Variants in CPNE4 observed in about 807,000 individuals in gnomAD.
CPNE4 encodes the protein copine 4.
A neutral mutation model predicts 67.9 loss-of-function variants in CPNE4; 25 were observed. That is an observed-to-expected ratio of 0.37 (90% confidence interval 0.27 to 0.51). The LOEUF (loss-of-function observed/expected upper bound fraction) is 0.51, where lower values mean the gene tolerates loss of function less well. Among genes scored for constraint, CPNE4 ranks in the 20% least tolerant of loss-of-function variants. The pLI, the probability that CPNE4 is intolerant of heterozygous loss-of-function variation, is 0.93. For missense variants in CPNE4, 464 were observed against 690.8 expected, an observed-to-expected ratio of 0.67 and a Z score of 3.68; for synonymous variants, 242 against 244.9, an observed-to-expected ratio of 0.99 and a Z score of 0.11.
At chr3:132,005,324 T>TAC (rs142595476) in intron 1 of CPNE4, among the ~76,000 whole-genome samples, 19,386 of 50,912 alleles carry the variant, frequency 0.38, 2,402 homozygotes, top group Non-Finnish European at 0.48. Context: ...CATATATATA[T>TAC]ATATATATAT....
At chr3:131,589,835 A>G (rs1403792755) in intron 7 of CPNE4, among the ~76,000 whole-genome samples, 2 of 152,234 alleles carry the variant, frequency 1.3e-5, no homozygotes, top group Non-Finnish European at 2.9e-5. Context: ...ATTAGAATAA[A>G]TAAGAATGGA....
intron 1 of CPNE4, among the ~76,000 whole-genome samples, chr3:131,980,043 A>G (rs555504977): frequency 1.2e-4 from 19 of 152,252 alleles, no homozygotes; most frequent in Middle Eastern, 6.8e-3. Flanking sequence ...TCTGGCTTGT[A>G]TGGTTTCTGC....
At chr3:132,038,044 T>G (rs1392870316), upstream of CPNE4, 2 of 155,270 alleles carry the variant, frequency 1.3e-5, no homozygotes, top group Non-Finnish European at 1.4e-5. Flanking sequence ...AGGAAACTGT[T>G]GTAAATAACA....
chr3:131,875,654 G>T (rs1297135897), intron 2 of CPNE4, among the ~76,000 whole-genome samples: 1 of 146,966 alleles, frequency 6.8e-6, no homozygotes, highest in African/African-American at 2.5e-5. Context: ...ACACAAGAAG[G>T]GGAACATCAC....
In CPNE4 at chr3:131,999,241, T is replaced by TAAAAAAAAAAAAAAAA. The variant is rs79127364; in HGVS notation, c.-2+35310_-2+35325dup. On this transcript the variant is annotated intron_variant, in intron 1 of 15. Coordinates refer to ENST00000429747, the MANE Select transcript of CPNE4 (RefSeq NM_130808.3). ...CTCAATTATAGGTATTTATCCAAGG[T>TAAAAAAAAAAAAAAAA]AAAAAAAAAAAAAAAAAAAAAAAGA... Among the ~76,000 whole-genome samples the TAAAAAAAAAAAAAAAA allele has an allele frequency of 1.2e-3, 122 of 98,796 alleles. 8 individuals are homozygous for TAAAAAAAAAAAAAAAA. Among genetic ancestry groups the TAAAAAAAAAAAAAAAA allele is most frequent in the Middle Eastern group, 6.0e-3 (1 of 168 alleles). 64.8% of individuals were successfully genotyped at this position (98,796 alleles called of 152,430 possible).
intron 1 of CPNE4, among the ~76,000 whole-genome samples, chr3:131,976,607 G>A (rs1481958927): frequency 1.3e-5 from 2 of 151,990 alleles, no homozygotes; most frequent in African/African-American, 4.8e-5. Flanking sequence ...GGGAAGCTCA[G>A]GGGGAGAAAT....
chr3:131,596,110 T>G (rs1432382172), intron 7 of CPNE4, among the ~76,000 whole-genome samples: 1 of 152,120 alleles, frequency 6.6e-6, no homozygotes, highest in Non-Finnish European at 1.5e-5. Flanking sequence ...CTTCACAATT[T>G]GTTAAGTGAG....
intron 2 of CPNE4, among the ~76,000 whole-genome samples, chr3:131,729,708 AT>A (rs2082083632): frequency 6.6e-6 from 1 of 152,172 alleles, no homozygotes; most frequent in Admixed American, 6.5e-5. Flanking sequence ...ACTTGAATTG[AT>A]TTGTGCCATT....
intron 11 of CPNE4, among the ~76,000 whole-genome samples, chr3:131,557,227 C>A (rs557970606): frequency 2.0e-5 from 3 of 152,194 alleles, no homozygotes; most frequent in African/African-American, 4.8e-5. Flanking sequence ...TGTCATCTAC[C>A]TTTTATTTCT....
At chr3:131,641,261 A>G (rs73001267) in intron 7 of CPNE4, among the ~76,000 whole-genome samples, 44,160 of 151,986 alleles carry the variant, frequency 0.29, 9,903 homozygotes, top group African/African-American at 0.63. Flanking sequence ...TTCACAATCT[A>G]TACATCTGAC....
chr3:131,566,886 C>T (rs1353474593), intron 10 of CPNE4, among the ~76,000 whole-genome samples: 2 of 151,996 alleles, frequency 1.3e-5, no homozygotes, highest in Non-Finnish European at 2.9e-5. Context: ...TTCTAGAGAG[C>T]GTGAAGATGT....
intron 2 of CPNE4, among the ~76,000 whole-genome samples, chr3:131,798,267 C>T (rs2083975366): frequency 6.6e-6 from 1 of 151,912 alleles, no homozygotes; most frequent in Non-Finnish European, 1.5e-5. Flanking sequence ...GAACCTGTGC[C>T]GTAATTATGA....
intron 7 of CPNE4, among the ~76,000 whole-genome samples, chr3:131,644,439 G>A (rs1317613717): frequency 1.3e-5 from 2 of 152,174 alleles, no homozygotes; most frequent in African/African-American, 4.8e-5. Flanking sequence ...GAGCCACCAG[G>A]CATGGCTGAG....
intron 14 of CPNE4, among the ~76,000 whole-genome samples, chr3:131,546,654 C>A (rs543562054): frequency 7.2e-5 from 11 of 152,252 alleles, no homozygotes; most frequent in African/African-American, 2.2e-4. Context: ...CATTGCAGAC[C>A]CAGCTATCCC....
At chr3:131,764,123 T>C (rs973751091) in intron 2 of CPNE4, among the ~76,000 whole-genome samples, 2 of 152,050 alleles carry the variant, frequency 1.3e-5, no homozygotes, top group Non-Finnish European at 2.9e-5. Context: ...AACCCAGCAA[T>C]TGGACTCCAA....
At chr3:131,848,956 C>CAAAAAAAAAAAAAAAAAAAAAAAAAAAAA (rs67407668) in intron 2 of CPNE4, among the ~76,000 whole-genome samples, 1 of 79,636 alleles carries the variant, frequency 1.3e-5, no homozygotes, top group Non-Finnish European at 2.2e-5. Context: ...GTAGTGATTA[C>CAAAAAAAAAAAAAAAAAAAAAAAAAAAAA]AAAAAAAAAA....
intron 15 of CPNE4, 28 bp from the exon 16 acceptor site, chr3:131,535,357 G>A (rs527585476): frequency 5.0e-6 from 8 of 1,597,908 alleles, no homozygotes; most frequent in East Asian, 4.5e-5. Flanking sequence ...TCATCATGAC[G>A]TTGGCTTCTG....
chr3:131,826,596 G>A (rs551398923), intron 2 of CPNE4, among the ~76,000 whole-genome samples: 6 of 151,910 alleles, frequency 3.9e-5, no homozygotes, highest in South Asian at 2.1e-4. Flanking sequence ...GCTTTTTCTC[G>A]CTGTTAATTC....
chr3:131,545,428 C>G (rs1935773519), intron 14 of CPNE4, among the ~76,000 whole-genome samples: 1 of 152,234 alleles, frequency 6.6e-6, no homozygotes, highest in Admixed American at 6.5e-5. Context: ...TTTATTTTCA[C>G]TAATCTCTAA....
Sources: allele counts gnomAD v4.1 joint callset (sites outside exome capture counted in the v4.1 genomes callset), GRCh38; gene constraint gnomAD v4.1.1; transcripts MANE v1.5; gene names NCBI Gene and HGNC (gene_info 2026-07-23, HGNC 2026-07-21).